CEP85: variants seen among roughly 807,000 people sequenced by gnomAD.
CEP85 encodes centrosomal protein 85.
A neutral mutation model predicts 93.7 loss-of-function variants in CEP85; 58 were observed. That is an observed-to-expected ratio of 0.62 (90% CI 0.50 to 0.77). CEP85 has a LOEUF of 0.77. Among genes scored for constraint, CEP85 ranks in the 30% least tolerant of loss-of-function variants. The probability of loss-of-function intolerance (pLI) is 0.00; values close to 1 mark genes in which losing one functional copy is unlikely to be tolerated. For synonymous variants in CEP85, 314 were observed against 338.6 expected, an observed-to-expected ratio of 0.93 and a Z score of 0.80; for missense variants, 868 against 922.0, an observed-to-expected ratio of 0.94 and a Z score of 0.76.
chr1:26,260,501 GA>G (rs34728249), intron 7 of CEP85, among the ~76,000 whole-genome samples: 69 of 143,164 alleles, frequency 4.8e-4, no homozygotes, highest in South Asian at 6.6e-4. Flanking sequence ...TCCGTCTCAG[GA>G]AAAAAAAAAA....
chr1:26,259,853 T>C, intron 7 of CEP85, 51 bp downstream of exon 7: 1 of 1,487,604 alleles, frequency 6.7e-7, no homozygotes. Flanking sequence ...GGCAGTCAGC[T>C]GTCTACTCTA....
At chr1:26,247,755 C>T (rs1298390291) in intron 3 of CEP85, among the ~76,000 whole-genome samples, 1 of 152,144 alleles carries the variant, frequency 6.6e-6, no homozygotes, top group East Asian at 1.9e-4. Context: ...TATCTTTCCA[C>T]CTAAGCCTTC....
intron 11 of CEP85, among the ~76,000 whole-genome samples, chr1:26,273,479 T>C (rs565709434): frequency 6.6e-6 from 1 of 152,312 alleles, no homozygotes; most frequent in East Asian, 1.9e-4. Flanking sequence ...CCCAGGTTTT[T>C]AGTAGAGTTT....
In CEP85 at chr1:26,268,546, A is replaced by C. The variant is rs1286971214; in HGVS notation, c.1405A>C (p.Asn469His). Residue 469 changes from asparagine to histidine, a missense_variant, in exon 8 of 14, where the codon AAC becomes CAC. By Grantham distance (68) the Asn-to-His change is moderately conservative. Coordinates refer to ENST00000451429, the MANE Select transcript of CEP85 (RefSeq NM_001319944.2). ...KKKCQKESEQNREKQQRIETL... is the reference protein window; with the variant it reads ...KKKCQKESEQHREKQQRIETL... ...GAAATGCCAGAAGGAATCAGAGCAG[A>C]ACCGGGAGAAGCAGCAGCGTATTGA... The C allele has an allele frequency of 1.1e-5, 18 of 1,614,062 alleles. No individual in the cohort carries two copies. Among genetic ancestry groups the C allele is most frequent in the Non-Finnish European group, 1.4e-5 (16 of 1,180,020 alleles).
intron 11 of CEP85, among the ~76,000 whole-genome samples, chr1:26,272,617 ATTTTTTTTTTTTTTT>A (rs397861910): frequency 3.3e-5 from 3 of 89,670 alleles, no homozygotes; most frequent in African/African-American, 1.5e-4. Flanking sequence ...CTATTACAGC[ATTTTTTTTTTTTTTT>A]TTTTTTTTTT....
intron 4 of CEP85, among the ~76,000 whole-genome samples, chr1:26,256,953 G>GTGTGTGTGTGTGTGT (rs2089715316): frequency 6.7e-6 from 1 of 149,614 alleles, no homozygotes; most frequent in Admixed American, 6.7e-5. Context: ...GTGTGTGTGT[G>GTGTGTGTGTGTGTGT]TGTTTTGGAG....
At position 26,271,955 on chromosome 1, in the gene CEP85, C is replaced by T. The variant is rs923405085; in HGVS notation, c.1744-66C>T. ...CCAGACCACATGTCCTAGTGCAGCCCCCTTGCCCTCTGTCCTCACCGTCAG... is the reference window on the plus strand; with the variant it reads ...CCAGACCACATGTCCTAGTGCAGCCTCCTTGCCCTCTGTCCTCACCGTCAG... On this transcript the variant is annotated intron_variant, in intron 10 of 13. Coordinates refer to ENST00000451429, the MANE Select transcript of CEP85 (RefSeq NM_001319944.2). 5 of 1,416,886 alleles carry T rather than the reference C, an allele frequency of 3.5e-6. No individual in the cohort carries two copies. In the Admixed American group the frequency reaches 5.2e-5, roughly 15 times the overall value. 87.8% of individuals were successfully genotyped at this position (1,416,886 alleles called of 1,614,324 possible).
rs775335757 is a variant in CEP85 at position 26,239,757 on chromosome 1, T to C, written c.-22-5T>C. 9 of 1,570,668 alleles carry C rather than the reference T, an allele frequency of 5.7e-6. No individual in the cohort carries two copies. In the East Asian group the frequency reaches 1.8e-4, roughly 31 times the overall value. On this transcript the variant is annotated splice_polypyrimidine_tract_variant and splice_region_variant and intron_variant, in intron 1 of 13. Transcript: ENST00000451429. Reference sequence around the variant, plus strand: ...GAACTGACTGGTTATTCCTTCATTCTACAGTTGGCTTAAATAACTGTGATT... The same window carrying C: ...GAACTGACTGGTTATTCCTTCATTCCACAGTTGGCTTAAATAACTGTGATT...
Position 26,278,168 on chromosome 1 carries a change from T to C in CEP85, c.*875T>C, listed in dbSNP as rs2090079951. 1 of 152,814 alleles carries C rather than the reference T, an allele frequency of 6.5e-6. No homozygotes were observed. Among genetic ancestry groups the C allele is most frequent in the South Asian group, 2.1e-4 (1 of 4,834 alleles). The allele number at this position is 152,814 out of a possible 1,614,324, so 9.5% of individuals were successfully genotyped here. The stretch of plus-strand genomic sequence containing the variant: ...CTACAGCCTGTGCCCAGCCCTCTAA[T>C]TTGTGCCTCTCTTGTGTTGGGGGTG... On this transcript the variant is annotated 3_prime_UTR_variant, in exon 14 of 14. Transcript: ENST00000451429.
At chr1:26,271,732 C>G (rs2089978444) in intron 10 of CEP85, 1 of 396,192 alleles carries the variant, frequency 2.5e-6, no homozygotes, top group Non-Finnish European at 4.6e-6. Flanking sequence ...AAAATTGATT[C>G]CACTGGCCTG....
chr1:26,250,051 C>T (rs2089579493), intron 3 of CEP85, among the ~76,000 whole-genome samples: 1 of 152,184 alleles, frequency 6.6e-6, no homozygotes. Flanking sequence ...GGTTCCCATA[C>T]ACTAAATTTT....
chr1:26,275,149 C>T (rs1245528537), intron 12 of CEP85, 78 bp downstream of exon 12: 2 of 1,032,006 alleles, frequency 1.9e-6, no homozygotes, highest in African/African-American at 1.6e-5. Flanking sequence ...ATCTCTACCC[C>T]AATAAGAGCC....
chr1:26,249,093 T>G (rs1368286295), intron 3 of CEP85, among the ~76,000 whole-genome samples: 1 of 151,800 alleles, frequency 6.6e-6, no homozygotes, highest in African/African-American at 2.4e-5. Flanking sequence ...TTTTGTGTGT[T>G]TGTTTTGAGA....
chr1:26,252,852 C>T (rs2089640239), intron 3 of CEP85, among the ~76,000 whole-genome samples: 1 of 152,010 alleles, frequency 6.6e-6, no homozygotes, highest in Non-Finnish European at 1.5e-5. Context: ...AGTATTTATT[C>T]CTCCTGTCTA....
Position 26,277,268 on chromosome 1 carries a change from T to C in CEP85, c.2261T>C (p.Met754Thr). 2 of 1,613,886 alleles carry C rather than the reference T, an allele frequency of 1.2e-6. No homozygotes were observed. The highest frequency in any genetic ancestry group is 1.7e-6 in the Non-Finnish European group (2 of 1,179,772). Residue 754 changes from methionine to threonine, a missense_variant, in exon 14 of 14, where the codon ATG becomes ACG. Physicochemically the swap from Met to Thr is moderately conservative, Grantham distance 81. Coordinates refer to ENST00000451429, the MANE Select transcript of CEP85 (RefSeq NM_001319944.2). ...TTMSDRYAQD[M>T]GENCVTQ Reference sequence around the variant, plus strand: ...ATGTCAGACAGATATGCCCAGGACATGGGAGAAAACTGTGTCACACAGTGA... The same window carrying C: ...ATGTCAGACAGATATGCCCAGGACACGGGAGAAAACTGTGTCACACAGTGA...
At chr1:26,266,451 A>C (rs943304111) in intron 7 of CEP85, among the ~76,000 whole-genome samples, 2 of 152,108 alleles carry the variant, frequency 1.3e-5, no homozygotes, top group Non-Finnish European at 1.5e-5. Context: ...TTAATACTTT[A>C]TTTCTTTTCT....
intron 7 of CEP85, among the ~76,000 whole-genome samples, chr1:26,260,615 C>T (rs1280711936): frequency 2.0e-5 from 3 of 152,092 alleles, no homozygotes; most frequent in African/African-American, 2.4e-5. Context: ...TCCCAATTCA[C>T]GGCTTGCTCT....
At chr1:26,243,991 CAAA>C (rs58751883) in intron 2 of CEP85, among the ~76,000 whole-genome samples, 172 bp from the exon 3 acceptor site, 1 of 108,348 alleles carries the variant, frequency 9.2e-6, no homozygotes, top group African/African-American at 4.0e-5. Context: ...GACTCCGTCT[CAAA>C]AAAAAAAAAA....
chr1:26,234,539 C>T (rs2089294004), intron 1 of CEP85, among the ~76,000 whole-genome samples: 1 of 152,250 alleles, frequency 6.6e-6, no homozygotes, highest in Non-Finnish European at 1.5e-5. Flanking sequence ...CACCCCACGG[C>T]AGTCACTTTA....
Sources: allele counts gnomAD v4.1 joint callset (sites outside exome capture counted in the v4.1 genomes callset), GRCh38; gene constraint gnomAD v4.1.1; transcripts MANE v1.5; gene names NCBI Gene and HGNC (gene_info 2026-07-23, HGNC 2026-07-21).